Variants in FANCC observed in about 807,000 individuals in gnomAD.
FANCC encodes the protein Fanconi anemia group C protein.
Under a neutral mutation model 71.3 loss-of-function variants are expected in FANCC, and 55 were observed. The observed-to-expected ratio is 0.77, with a 90% CI of 0.62 to 0.97. The LOEUF is 0.97. Among genes scored for constraint, FANCC ranks in the 50% least tolerant of loss-of-function variants. The pLI is 0.00. For missense variants in FANCC, 678 were observed against 670.9 expected, an observed-to-expected ratio of 1.01 and a Z score of -0.12; for synonymous variants, 275 against 244.9, an observed-to-expected ratio of 1.12 and a Z score of -1.15.
intron 6 of FANCC, among the ~76,000 whole-genome samples, chr9:95,159,478 T>C (rs1410885894): frequency 2.0e-5 from 3 of 152,240 alleles, no homozygotes; most frequent in Non-Finnish European, 4.4e-5. Flanking sequence ...TTGTGAATAG[T>C]GCCGCAATAA....
intron 4 of FANCC, among the ~76,000 whole-genome samples, chr9:95,228,270 A>T (rs1829754554): frequency 6.6e-6 from 1 of 152,180 alleles, no homozygotes; most frequent in African/African-American, 2.4e-5. Context: ...TCGCAGCACT[A>T]TTGCCTCACA....
chr9:95,316,022 A>G (rs1164514466), intron 1 of FANCC, among the ~76,000 whole-genome samples: 1 of 152,254 alleles, frequency 6.6e-6, no homozygotes, highest in Non-Finnish European at 1.5e-5. Flanking sequence ...AACAAAAAAT[A>G]CCAATATAGA....
At chr9:95,153,752 C>G (rs981820510) in intron 6 of FANCC, among the ~76,000 whole-genome samples, 1 of 152,176 alleles carries the variant, frequency 6.6e-6, no homozygotes, top group African/African-American at 2.4e-5. Context: ...TTTTCTCCCA[C>G]TCTGTTGGTT....
intron 14 of FANCC, among the ~76,000 whole-genome samples, chr9:95,103,745 C>T (rs866140796): frequency 6.6e-6 from 1 of 152,338 alleles, no homozygotes; most frequent in Middle Eastern, 3.4e-3. Flanking sequence ...AGTGGGCCTC[C>T]AGGTGCCTGG....
chr9:95,282,449 A>G (rs536182908), intron 1 of FANCC, among the ~76,000 whole-genome samples: 32 of 152,288 alleles, frequency 2.1e-4, no homozygotes, highest in Middle Eastern at 6.8e-3. Flanking sequence ...ATATTAATAG[A>G]TCTCAAGAAA....
chr9:95,222,980 T>C (rs1829376575), intron 4 of FANCC, among the ~76,000 whole-genome samples: 1 of 152,228 alleles, frequency 6.6e-6, no homozygotes, highest in African/African-American at 2.4e-5. Flanking sequence ...CACCAATGCC[T>C]AGATATTTGG....
At chr9:95,256,491 A>C (rs1197977975) in intron 1 of FANCC, among the ~76,000 whole-genome samples, 1 of 152,220 alleles carries the variant, frequency 6.6e-6, no homozygotes, top group Admixed American at 6.5e-5. Flanking sequence ...AAATGCTGAG[A>C]GATTCTGTCA....
At chr9:95,114,528 G>T in intron 12 of FANCC, 101 bp downstream of exon 12, 1 of 1,051,886 alleles carries the variant, frequency 9.5e-7, no homozygotes, top group Non-Finnish European at 1.5e-6. Context: ...GATGGTCCCA[G>T]ACCAGTAATG....
chr9:95,283,059 A>G (rs1251725834), intron 1 of FANCC, among the ~76,000 whole-genome samples: 1 of 152,208 alleles, frequency 6.6e-6, no homozygotes, highest in Non-Finnish European at 1.5e-5. Context: ...AACATTAATT[A>G]ATATTTTATG....
intron 6 of FANCC, among the ~76,000 whole-genome samples, chr9:95,160,204 A>G (rs1450870118): frequency 6.6e-6 from 1 of 152,202 alleles, no homozygotes; most frequent in Non-Finnish European, 1.5e-5. Context: ...TAATTTTTAT[A>G]TAAGGTGTAA....
At chr9:95,170,180 A>G (rs1825572527) in intron 6 of FANCC, among the ~76,000 whole-genome samples, 3 of 152,136 alleles carry the variant, frequency 2.0e-5, no homozygotes, top group African/African-American at 7.2e-5. Flanking sequence ...TCACCTCACA[A>G]CCAAATCCAA....
In FANCC at chr9:95,111,747, A is replaced by C. The variant is rs977896729; in HGVS notation, c.1155-110T>G. 7 of 1,229,612 alleles carry C rather than the reference A, an allele frequency of 5.7e-6. No individual in the cohort carries two copies. The Admixed American group carries it at 1.3e-4, about 22-fold the overall frequency. 76.2% of individuals were successfully genotyped at this position (1,229,612 alleles called of 1,614,324 possible). Reference sequence around the variant, plus strand: ...CGGTTGGCTTAAATTGTACTTATCCACTGAAGTGCAACCTGCAAGGAATAC... The same window carrying C: ...CGGTTGGCTTAAATTGTACTTATCCCCTGAAGTGCAACCTGCAAGGAATAC... On this transcript the variant is annotated intron_variant, in intron 12 of 14. Transcript: ENST00000289081.
At chr9:95,184,572 G>A (rs1373332998) in intron 4 of FANCC, among the ~76,000 whole-genome samples, 1 of 152,182 alleles carries the variant, frequency 6.6e-6, no homozygotes, top group Non-Finnish European at 1.5e-5. Flanking sequence ...GAAGACCTTG[G>A]ATCTTAGCAA....
chr9:95,235,518 C>T (rs1830264456), intron 4 of FANCC, among the ~76,000 whole-genome samples: 1 of 152,140 alleles, frequency 6.6e-6, no homozygotes, highest in Non-Finnish European at 1.5e-5. Context: ...GGAAGATCTT[C>T]ATGACCTTGG....
chr9:95,181,440 C>T (rs779442977), intron 4 of FANCC, among the ~76,000 whole-genome samples: 9 of 151,722 alleles, frequency 5.9e-5, no homozygotes, highest in South Asian at 2.1e-4. Flanking sequence ...TTTTTTTTAC[C>T]GCCACCTAGT....
chr9:95,118,456 T>C (rs189996562), intron 10 of FANCC, among the ~76,000 whole-genome samples: 495 of 152,244 alleles, frequency 3.3e-3, no homozygotes, highest in African/African-American at 0.011. Flanking sequence ...ACGCATGGAG[T>C]GCATGGGCTT....
intron 5 of FANCC, 102 bp downstream of exon 5, chr9:95,171,935 T>C: frequency 2.6e-6 from 2 of 775,320 alleles, no homozygotes; most frequent in Non-Finnish European, 2.3e-6. Flanking sequence ...AAAGAAAAGT[T>C]AAACATCTCT....
At chr9:95,161,766 T>C (rs1049809548) in intron 6 of FANCC, among the ~76,000 whole-genome samples, 1 of 152,116 alleles carries the variant, frequency 6.6e-6, no homozygotes. Flanking sequence ...TCTATACCCA[T>C]TGAACAACAA....
chr9:95,282,825 C>T (rs1423952853), intron 1 of FANCC, among the ~76,000 whole-genome samples: 1 of 152,034 alleles, frequency 6.6e-6, no homozygotes, highest in Non-Finnish European at 1.5e-5. Flanking sequence ...CAACATGCTC[C>T]TAAACAATGA....
Sources: gnomAD v4.1 joint callset for allele counts (sites outside exome capture counted in the v4.1 genomes callset) on GRCh38, gnomAD v4.1.1 for gene constraint, MANE v1.5 for transcripts, NCBI Gene and HGNC (gene_info 2026-07-23, HGNC 2026-07-21) for gene names.